MFAP3L: variants seen among roughly 807,000 people sequenced by gnomAD.
The protein encoded by MFAP3L is microfibrillar-associated protein 3-like.
A neutral mutation model predicts 20.0 loss-of-function variants in MFAP3L; 5 were observed. The ratio of observed to expected loss-of-function variants is 0.25; its 90% CI spans 0.13 to 0.53. The LOEUF (loss-of-function observed/expected upper bound fraction) is 0.53, where lower values mean the gene tolerates loss of function less well. Ranked by LOEUF, MFAP3L falls within the 20% of genes least tolerant of loss-of-function variation. The probability of loss-of-function intolerance (pLI) is 0.96; values close to 1 mark genes in which losing one functional copy is unlikely to be tolerated. For synonymous variants in MFAP3L, 219 were observed against 213.0 expected (o/e 1.03, Z -0.25); for missense variants, 409 against 527.5 (o/e 0.78, Z 2.20).
chr4:170,008,541 A>C (rs1282465675), intron 1 of MFAP3L, among the ~76,000 whole-genome samples: 1 of 152,206 alleles, frequency 6.6e-6, no homozygotes, highest in Admixed American at 6.5e-5. Flanking sequence ...CTAGTAGTGG[A>C]AAGACATACA....
chr4:170,012,810 T>C (rs1440700413), intron 1 of MFAP3L, among the ~76,000 whole-genome samples: 2 of 152,164 alleles, frequency 1.3e-5, no homozygotes, highest in African/African-American at 4.8e-5. Flanking sequence ...ACTTAATGGG[T>C]AGAACTAAAT....
At chr4:170,018,642 G>C (rs1176597135) in intron 1 of MFAP3L, among the ~76,000 whole-genome samples, 1 of 152,212 alleles carries the variant, frequency 6.6e-6, no homozygotes, top group East Asian at 1.9e-4. Context: ...TTAATACTCA[G>C]ATGTTTTCTG....
rs1737421371 is a variant in MFAP3L at position 169,988,377 on chromosome 4, A to G, written c.*3001T>C. Reference sequence around the variant, plus strand: ...TTAAATGTACACACATATGTGAATCATTTTCAGAATTTCAAGAAAAACATT... The same window carrying G: ...TTAAATGTACACACATATGTGAATCGTTTTCAGAATTTCAAGAAAAACATT... On this transcript the variant is annotated 3_prime_UTR_variant, in exon 3 of 3. Transcript: ENST00000361618. 6.6e-6 allele frequency: 1 copy of G among 152,204 alleles called. No homozygotes were observed. Among genetic ancestry groups the G allele is most frequent in the Non-Finnish European group, 1.5e-5 (1 of 68,026 alleles). 9.4% of individuals were successfully genotyped at this position (152,204 alleles called of 1,614,324 possible).
At chr4:170,006,444 C>T (rs72702348) in intron 1 of MFAP3L, among the ~76,000 whole-genome samples, 10 of 152,272 alleles carry the variant, frequency 6.6e-5, no homozygotes, top group Non-Finnish European at 1.5e-4. Context: ...AAAACACAAC[C>T]ATAAGATGTT....
chr4:170,026,173 G>T lies in MFAP3L; in HGVS notation c.-134+61C>A, dbSNP rs966148754. The T allele has an allele frequency of 4.3e-5, 41 of 947,248 alleles. No homozygotes were observed. In the African/African-American group the frequency reaches 6.7e-4, roughly 16 times the overall value. The allele number at this position is 947,248 out of a possible 1,614,324, so 58.7% of individuals were successfully genotyped here. On this transcript the variant is annotated intron_variant, in intron 1 of 2. Transcript: ENST00000361618. The stretch of plus-strand genomic sequence containing the variant: ...CCGGCGCCGACTCGGCCGCCGACCC[G>T]GTGCGGGGCTGGCTCCCACCCGTGC...
chr4:170,009,100 T>C (rs935475698), intron 1 of MFAP3L, among the ~76,000 whole-genome samples: 5 of 152,188 alleles, frequency 3.3e-5, no homozygotes, highest in Non-Finnish European at 5.9e-5. Context: ...AAAAGTTTAG[T>C]TGAGCTGGAC....
chr4:170,006,278 A>G (rs555655561), intron 1 of MFAP3L, among the ~76,000 whole-genome samples: 19 of 152,100 alleles, frequency 1.2e-4, no homozygotes, highest in Non-Finnish European at 2.2e-4. Context: ...ATGTCTGGCT[A>G]ATTTTTGTAT....
At chr4:169,995,627 G>C (rs1738091181) in intron 2 of MFAP3L, among the ~76,000 whole-genome samples, 1 of 152,102 alleles carries the variant, frequency 6.6e-6, no homozygotes, top group African/African-American at 2.4e-5. Context: ...TAAATACCTG[G>C]CCCTGCATCT....
chr4:170,005,550 T>G, intron 2 of MFAP3L, 30 bp downstream of exon 2: 1 of 1,599,680 alleles, frequency 6.3e-7, no homozygotes, highest in Middle Eastern at 1.7e-4. Context: ...TATATTTTAT[T>G]ATGACATTTG....
intron 1 of MFAP3L, among the ~76,000 whole-genome samples, chr4:170,008,868 T>C (rs542095173): frequency 7.5e-4 from 114 of 152,338 alleles, no homozygotes; most frequent in African/African-American, 2.6e-3. Context: ...CTTGCACATA[T>C]AGTTCAGTAG....
rs535574898 is a variant in MFAP3L at position 170,013,092 on chromosome 4, C to T, written c.-133-7082G>A. Among the ~76,000 whole-genome samples, 11 of 152,176 alleles carry T rather than the reference C, an allele frequency of 7.2e-5. No individual in the cohort carries two copies. In the South Asian group the frequency reaches 2.3e-3, roughly 32 times the overall value. On this transcript the variant is annotated intron_variant, in intron 1 of 2. Coordinates refer to ENST00000361618, the MANE Select transcript of MFAP3L (RefSeq NM_021647.8). ...TCATAAAACTTTATTTTTAATGGGG[C>T]ATAATATTAAGAAACTATTCTTGAA...
chr4:170,022,929 C>G (rs934202189), intron 1 of MFAP3L, among the ~76,000 whole-genome samples: 4 of 152,190 alleles, frequency 2.6e-5, no homozygotes, highest in African/African-American at 9.7e-5. Context: ...TTGGGCCCAC[C>G]TGTATAATCC....
intron 1 of MFAP3L, among the ~76,000 whole-genome samples, chr4:170,010,640 T>C (rs1445811335): frequency 6.6e-6 from 1 of 152,232 alleles, no homozygotes; most frequent in Admixed American, 6.5e-5. Context: ...ATAACAGTCT[T>C]TTCTCTAGCT....
intron 1 of MFAP3L, among the ~76,000 whole-genome samples, 152 bp downstream of exon 1, chr4:170,026,082 C>A (rs1271844569): frequency 1.3e-5 from 2 of 152,106 alleles, no homozygotes; most frequent in Non-Finnish European, 2.9e-5. Flanking sequence ...CCGGACCCTG[C>A]GGCGTCTCGC....
intron 1 of MFAP3L, among the ~76,000 whole-genome samples, chr4:170,014,555 C>A (rs918028268): frequency 6.6e-6 from 1 of 152,194 alleles, no homozygotes; most frequent in African/African-American, 2.4e-5. Flanking sequence ...CGCGCTCTGC[C>A]TGGATGGAGG....
At chr4:170,010,663 G>A (rs1739318248) in intron 1 of MFAP3L, among the ~76,000 whole-genome samples, 1 of 152,124 alleles carries the variant, frequency 6.6e-6, no homozygotes, top group South Asian at 2.1e-4. Context: ...CTTTATTGTA[G>A]GAAAATGGTA....
chr4:169,994,309 C>T (rs200963083), intron 2 of MFAP3L: 1 of 985,394 alleles, frequency 1.0e-6, no homozygotes, highest in African/African-American at 1.7e-5. Context: ...CCCATCCGTA[C>T]CACTTTTTGG....
chr4:170,026,361 G>C lies in MFAP3L; in HGVS notation c.-261C>G. The C allele has an allele frequency of 2.3e-6, 2 of 884,916 alleles. No individual in the cohort carries two copies. Among genetic ancestry groups the C allele is most frequent in the Non-Finnish European group, 2.7e-6 (2 of 739,202 alleles). 54.8% of individuals were successfully genotyped at this position (884,916 alleles called of 1,614,324 possible). ...CTACTGCGGGCGAGCCGCCTCCGCC[G>C]GCGCCTCACAGCGTTGCGAGCTGCG... On this transcript the variant is annotated 5_prime_UTR_variant, in exon 1 of 3. Transcript: ENST00000361618.
intron 2 of MFAP3L, among the ~76,000 whole-genome samples, chr4:170,004,513 A>G (rs1187032463): frequency 6.6e-6 from 1 of 152,236 alleles, no homozygotes; most frequent in African/African-American, 2.4e-5. Flanking sequence ...ATCCTGGCCA[A>G]TTAGACGGCT....
Sources: allele counts gnomAD v4.1 joint callset (sites outside exome capture counted in the v4.1 genomes callset), GRCh38; gene constraint gnomAD v4.1.1; transcripts MANE v1.5; gene names NCBI Gene and HGNC (gene_info 2026-07-23, HGNC 2026-07-21).